PREX1: variants seen among roughly 807,000 people sequenced by gnomAD.
PREX1 encodes phosphatidylinositol 3,4,5-trisphosphate-dependent Rac exchanger 1 protein.
Under a neutral mutation model 198.3 loss-of-function variants are expected in PREX1, and 41 were observed. That is an observed-to-expected ratio of 0.21 (90% CI 0.16 to 0.27). The LOEUF (loss-of-function observed/expected upper bound fraction) is 0.27. Among genes scored for constraint, PREX1 ranks in the 10% least tolerant of loss-of-function variants. The pLI is 1.00. For missense variants in PREX1, 1,620 were observed against 2,200.7 expected, an observed-to-expected ratio of 0.74 and a Z score of 5.28; for synonymous variants, 843 against 887.2, an observed-to-expected ratio of 0.95 and a Z score of 0.89.
At chr20:48,816,117 A>G (rs2090458190) in intron 1 of PREX1, among the ~76,000 whole-genome samples, 1 of 151,740 alleles carries the variant, frequency 6.6e-6, no homozygotes, top group Non-Finnish European at 1.5e-5. Flanking sequence ...ACCACACCTC[A>G]TAATACAGCC....
At chr20:48,785,671 T>C (rs2090308766) in intron 1 of PREX1, among the ~76,000 whole-genome samples, 1 of 152,178 alleles carries the variant, frequency 6.6e-6, no homozygotes, top group African/African-American at 2.4e-5. Context: ...GCCAGTCTCT[T>C]TGGGCTTTTA....
chr20:48,783,037 GT>G (rs944672348), intron 1 of PREX1, among the ~76,000 whole-genome samples: 14 of 152,148 alleles, frequency 9.2e-5, no homozygotes, highest in Admixed American at 2.6e-4. Flanking sequence ...GGTTGCCTGG[GT>G]TTACACAGCG....
the PREX1 span, among the ~76,000 whole-genome samples, chr20:48,873,602 C>G: frequency 6.7e-6 from 1 of 149,390 alleles, no homozygotes; most frequent in Admixed American, 6.7e-5. Context: ...CGCCTATAAT[C>G]CCAGCTACTT....
intron 18 of PREX1, among the ~76,000 whole-genome samples, chr20:48,655,851 G>A (rs2089538737): frequency 6.6e-6 from 1 of 152,204 alleles, no homozygotes; most frequent in Admixed American, 6.5e-5. Flanking sequence ...AAGCAGAGAG[G>A]CAGCACCTGC....
the PREX1 span, among the ~76,000 whole-genome samples, chr20:48,865,669 C>G: frequency 6.6e-6 from 1 of 152,136 alleles, no homozygotes; most frequent in East Asian, 1.9e-4. Flanking sequence ...CAATGAAGAT[C>G]GAAGTTTCAA....
intron 1 of PREX1, among the ~76,000 whole-genome samples, chr20:48,804,233 A>G (rs1446267643): frequency 6.6e-6 from 1 of 152,254 alleles, no homozygotes. Flanking sequence ...GGGACACAAC[A>G]GGGAATAAAA....
At chr20:48,725,629 G>T (rs2090006528) in intron 5 of PREX1, among the ~76,000 whole-genome samples, 1 of 152,250 alleles carries the variant, frequency 6.6e-6, no homozygotes, top group African/African-American at 2.4e-5. Context: ...CCTCACTCAT[G>T]GCCTGTGGGA....
intron 1 of PREX1, among the ~76,000 whole-genome samples, chr20:48,815,291 T>A (rs965345926): frequency 1.3e-5 from 2 of 152,148 alleles, no homozygotes; most frequent in African/African-American, 4.8e-5. Flanking sequence ...TTGATCCAAA[T>A]GACATTTGTA....
intron 1 of PREX1, among the ~76,000 whole-genome samples, chr20:48,798,447 T>C (rs768500193): frequency 6.6e-6 from 1 of 152,182 alleles, no homozygotes; most frequent in Non-Finnish European, 1.5e-5. Context: ...CCCGGCAGGC[T>C]GCCACACTGG....
At chr20:48,825,929 G>C (rs1348862790) in intron 1 of PREX1, among the ~76,000 whole-genome samples, 1 of 138,410 alleles carries the variant, frequency 7.2e-6, no homozygotes, top group African/African-American at 2.8e-5. Flanking sequence ...TATTCTTACA[G>C]GCCTTCCTAG....
rs576404505 is a variant in PREX1 at position 48,642,392 on chromosome 20, G to A, written c.3684+15C>T. The A allele has an allele frequency of 9.9e-6, 16 of 1,611,428 alleles. No homozygotes were observed. The South Asian group carries it at 1.5e-4, about 16-fold the overall frequency. ...GGAACCCAAAGTTGCGCCAGGAGTG[G>A]GGCAAAGGTCCTACCTGGTTAAAGA... On this transcript the variant is annotated intron_variant, in intron 28 of 39. Coordinates refer to ENST00000371941, the MANE Select transcript of PREX1 (RefSeq NM_020820.4).
At chr20:48,626,009 T>C in intron 39 of PREX1, 82 bp from the exon 40 acceptor site, 3 of 1,374,834 alleles carry the variant, frequency 2.2e-6, no homozygotes, top group Non-Finnish European at 2.9e-6. Context: ...TACCTGAACA[T>C]GTAATTCATG....
chr20:48,837,609 A>G, the PREX1 span, among the ~76,000 whole-genome samples: 2 of 152,220 alleles, frequency 1.3e-5, no homozygotes, highest in Non-Finnish European at 2.9e-5. Context: ...TATAAGCAGG[A>G]GCTAAATGAC....
At chr20:48,663,164 C>A (rs142081641) in intron 15 of PREX1, among the ~76,000 whole-genome samples, 17 of 152,146 alleles carry the variant, frequency 1.1e-4, no homozygotes, top group Non-Finnish European at 2.5e-4. Context: ...GCATGCTGAG[C>A]GCACAGGAGG....
chr20:48,644,570 CT>C, intron 26 of PREX1, 73 bp from the exon 27 acceptor site: 1 of 1,367,288 alleles, frequency 7.3e-7, no homozygotes, highest in African/African-American at 1.4e-5. Flanking sequence ...CCAAAACCCA[CT>C]TTCTACAGTG....
chr20:48,651,398 T>C lies in PREX1; in HGVS notation c.2653A>G (p.Lys885Glu). ...GGCCAGGCAGTGCCCAAGGAGACCT[T>C]GGCGGTGAGGCCGAAGCAGCCGCGG... The part of the protein sequence containing the change: ...EPRGCFGLTA[K>E]ILEAFAANDS... Residue 885 changes from lysine (K) to glutamate (E), a missense_variant and splice_region_variant, in exon 22 of 40, where the codon AAG becomes GAG. By Grantham distance (56) the Lys-to-Glu change is moderately conservative. Transcript: ENST00000371941. The C allele has an allele frequency of 1.2e-6, 2 of 1,601,450 alleles. No individual in the cohort carries two copies. Among genetic ancestry groups the C allele is most frequent in the Non-Finnish European group, 1.7e-6 (2 of 1,171,762 alleles).
chr20:48,815,496 G>A (rs906297262), intron 1 of PREX1, among the ~76,000 whole-genome samples: 1 of 152,204 alleles, frequency 6.6e-6, no homozygotes, highest in Non-Finnish European at 1.5e-5. Context: ...AATATGTGGA[G>A]ATCAATGCAA....
the PREX1 span, among the ~76,000 whole-genome samples, chr20:48,882,634 G>A: frequency 4.0e-5 from 6 of 151,278 alleles, no homozygotes; most frequent in East Asian, 5.8e-4. Flanking sequence ...GCAATTCTAT[G>A]CTTAATATTT....
chr20:48,683,828 A>G (rs1036184627), intron 10 of PREX1, among the ~76,000 whole-genome samples: 1 of 152,182 alleles, frequency 6.6e-6, no homozygotes, highest in Non-Finnish European at 1.5e-5. Flanking sequence ...TGCTAACTCT[A>G]TCAGGTCAGT....
Sources: allele counts gnomAD v4.1 joint callset (sites outside exome capture counted in the v4.1 genomes callset), GRCh38; gene constraint gnomAD v4.1.1; transcripts MANE v1.5; gene names NCBI Gene and HGNC (gene_info 2026-07-23, HGNC 2026-07-21).